The following TAFA1 variants were observed in gnomAD, a reference collection of about 807,000 sequenced individuals.
TAFA1 encodes the protein TAFA chemokine like family member 1.
TAFA1 carries 4 observed loss-of-function variants against 18.5 expected under a neutral mutation model. That is an observed-to-expected ratio of 0.22 (90% CI 0.11 to 0.49). TAFA1 has a LOEUF of 0.49. Among genes scored for constraint, TAFA1 ranks in the 20% least tolerant of loss-of-function variants. TAFA1 has a pLI of 0.98. For synonymous variants in TAFA1, 56 were observed against 55.2 expected (o/e 1.01, Z -0.06); for missense variants, 147 against 169.0 (o/e 0.87, Z 0.72).
intron 2 of TAFA1, among the ~76,000 whole-genome samples, chr3:68,400,221 G>C (rs953538461): frequency 1.3e-5 from 2 of 152,150 alleles, no homozygotes; most frequent in African/African-American, 2.4e-5. Flanking sequence ...CAGGTGTGCT[G>C]TTACCAAAAG....
rs567908446 is a variant in TAFA1 at position 68,404,406 on chromosome 3, C to T, written c.119-12874C>T. Among the ~76,000 whole-genome samples the T allele has an allele frequency of 3.0e-4, 46 of 152,214 alleles. 2 individuals are homozygous for T. The South Asian group carries it at 8.7e-3, about 29-fold the overall frequency. On this transcript the variant is annotated intron_variant, in intron 2 of 4. Coordinates refer to ENST00000478136, the MANE Select transcript of TAFA1 (RefSeq NM_213609.4). ...GTGTCTGTATAACAGATTTCTAAAA[C>T]ATTTAACAGTTTATTTAGGAGGTGG...
intron 2 of TAFA1, among the ~76,000 whole-genome samples, chr3:68,225,002 G>A (rs539149904): frequency 3.4e-5 from 5 of 144,976 alleles, no homozygotes; most frequent in South Asian, 2.3e-4. Context: ...TCTGCCTCCC[G>A]GGTTCAAGCA....
At chr3:68,145,588 G>C (rs2065729334) in intron 2 of TAFA1, 1 of 1,491,032 alleles carries the variant, frequency 6.7e-7, no homozygotes, top group Non-Finnish European at 9.3e-7. Flanking sequence ...CCAATGAACA[G>C]CAGTTAGCCA....
chr3:68,042,774 G>GC (rs1312331606), intron 2 of TAFA1, among the ~76,000 whole-genome samples: 26 of 152,210 alleles, frequency 1.7e-4, no homozygotes, highest in Admixed American at 2.0e-4. Flanking sequence ...TTTTGCTACT[G>GC]TTTTATAGTT....
At chr3:68,010,328 AT>A (rs1704446811) in intron 2 of TAFA1, among the ~76,000 whole-genome samples, 1 of 152,166 alleles carries the variant, frequency 6.6e-6, no homozygotes, top group Admixed American at 6.5e-5. Context: ...TCAAGAAATA[AT>A]CCACTACATT....
intron 2 of TAFA1, among the ~76,000 whole-genome samples, chr3:68,070,527 A>G (rs1347707038): frequency 6.6e-6 from 1 of 152,096 alleles, no homozygotes; most frequent in East Asian, 1.9e-4. Context: ...CATTTCCCCC[A>G]TTGTCTTGGG....
rs1178300782 is a variant in TAFA1 at position 68,254,159 on chromosome 3, GTCTATCTA to G, written c.119-163100_119-163093del. ...TATCTATCTATCTATCTATCTATCT[GTCTATCTA>G]TCTATCTATCTATCTATCTAATCTG... On this transcript the variant is annotated intron_variant, in intron 2 of 4. Transcript: ENST00000478136. Among the ~76,000 whole-genome samples the G allele has an allele frequency of 1.7e-4, 20 of 119,734 alleles. 1 individual carries two copies. The highest frequency in any genetic ancestry group is 1.6e-3 in the Admixed American group (16 of 9,848). 78.6% of individuals were successfully genotyped at this position (119,734 alleles called of 152,430 possible).
At chr3:68,134,527 T>C (rs970325900) in intron 2 of TAFA1, among the ~76,000 whole-genome samples, 1 of 152,206 alleles carries the variant, frequency 6.6e-6, no homozygotes, top group Non-Finnish European at 1.5e-5. Context: ...CAGCTGGTTC[T>C]TACTGTCAGT....
intron 2 of TAFA1, among the ~76,000 whole-genome samples, chr3:68,416,522 T>C (rs2070841911): frequency 6.6e-6 from 1 of 152,188 alleles, no homozygotes. Flanking sequence ...CTGACTTAGC[T>C]GATTTAGCTG....
At chr3:68,085,213 A>G (rs1276656553) in intron 2 of TAFA1, among the ~76,000 whole-genome samples, 2 of 152,188 alleles carry the variant, frequency 1.3e-5, no homozygotes, top group Non-Finnish European at 2.9e-5. Context: ...TAATAAGTCT[A>G]AAGTCAGTAA....
At chr3:68,155,326 C>G (rs1165610893) in intron 2 of TAFA1, among the ~76,000 whole-genome samples, 2 of 152,198 alleles carry the variant, frequency 1.3e-5, no homozygotes, top group Non-Finnish European at 2.9e-5. Flanking sequence ...CCTTAGCAGA[C>G]AGGGATAGCA....
At chr3:68,030,747 G>C (rs1018603443) in intron 2 of TAFA1, among the ~76,000 whole-genome samples, 4 of 152,218 alleles carry the variant, frequency 2.6e-5, no homozygotes, top group African/African-American at 9.6e-5. Flanking sequence ...CTTTATAGTA[G>C]AATGATTTAT....
chr3:68,134,523 G>T (rs1320548325), intron 2 of TAFA1, among the ~76,000 whole-genome samples: 1 of 152,088 alleles, frequency 6.6e-6, no homozygotes, highest in Non-Finnish European at 1.5e-5. Context: ...GGAACAGCTG[G>T]TTCTTACTGT....
intron 2 of TAFA1, among the ~76,000 whole-genome samples, chr3:68,370,280 C>T (rs1477889605): frequency 2.2e-5 from 1 of 44,498 alleles, no homozygotes; most frequent in Non-Finnish European, 3.7e-5. Context: ...AAGGGAGACC[C>T]CATCTCAAAA....
chr3:68,132,718 G>A (rs2065557130), intron 2 of TAFA1, among the ~76,000 whole-genome samples: 1 of 151,974 alleles, frequency 6.6e-6, no homozygotes, highest in Non-Finnish European at 1.5e-5. Flanking sequence ...CTTTTTGATG[G>A]GGTCATTTGT....
At chr3:68,244,705 TTAAA>T (rs1332914975) in intron 2 of TAFA1, among the ~76,000 whole-genome samples, 1 of 152,182 alleles carries the variant, frequency 6.6e-6, no homozygotes, top group East Asian at 1.9e-4. Context: ...TACATAGTCC[TTAAA>T]TAAACTACAT....
chr3:68,491,581 C>T (rs1303612636), intron 3 of TAFA1, among the ~76,000 whole-genome samples: 2 of 151,478 alleles, frequency 1.3e-5, no homozygotes, highest in Non-Finnish European at 2.9e-5. Context: ...GGGAGATATA[C>T]CTAATGTTAA....
intron 2 of TAFA1, among the ~76,000 whole-genome samples, chr3:68,242,555 A>G (rs2067012894): frequency 6.6e-6 from 1 of 152,146 alleles, no homozygotes; most frequent in Non-Finnish European, 1.5e-5. Flanking sequence ...ATGTTATTTA[A>G]TTATAGTTAG....
intron 2 of TAFA1, among the ~76,000 whole-genome samples, chr3:68,048,822 T>C (rs941341537): frequency 1.3e-5 from 2 of 152,198 alleles, no homozygotes; most frequent in African/African-American, 4.8e-5. Context: ...TAGTACTCTA[T>C]TGTGCGTATG....
Sources: allele counts gnomAD v4.1 joint callset (sites outside exome capture counted in the v4.1 genomes callset), GRCh38; gene constraint gnomAD v4.1.1; transcripts MANE v1.5; gene names NCBI Gene and HGNC (gene_info 2026-07-23, HGNC 2026-07-21).